Variants in CSTF3 observed in about 807,000 individuals in gnomAD.
The protein encoded by CSTF3 is CF-1 77 kDa subunit.
Under a neutral mutation model 105.8 loss-of-function variants are expected in CSTF3, and 29 were observed. That is an observed-to-expected ratio of 0.27 (90% confidence interval 0.20 to 0.37). The LOEUF (loss-of-function observed/expected upper bound fraction) is 0.37. CSTF3 is among the 10% of genes least tolerant of loss of function. The pLI, the probability that CSTF3 is intolerant of heterozygous loss-of-function variation, is 1.00. For missense variants in CSTF3, 357 were observed against 879.3 expected, an observed-to-expected ratio of 0.41 and a Z score of 7.51; for synonymous variants, 252 against 281.9, an observed-to-expected ratio of 0.89 and a Z score of 1.06.
chr11:33,125,080 C>G (rs140280070), intron 3 of CSTF3, among the ~76,000 whole-genome samples: 1,561 of 152,294 alleles, frequency 0.01, 26 homozygotes, highest in African/African-American at 0.034. Flanking sequence ...TTCAGTATTT[C>G]TCTCTTCAAA....
At chr11:33,144,476 AAAT>A (rs2133801233) in intron 1 of CSTF3, among the ~76,000 whole-genome samples, 1 of 152,320 alleles carries the variant, frequency 6.6e-6, no homozygotes, top group East Asian at 1.9e-4. Context: ...GAAAATCAGC[AAAT>A]AATAAAGGTG....
intron 1 of CSTF3, among the ~76,000 whole-genome samples, chr11:33,152,370 C>A (rs1849795908): frequency 6.6e-6 from 1 of 152,182 alleles, no homozygotes; most frequent in African/African-American, 2.4e-5. Context: ...TTCGATCAAT[C>A]CTCCTGCCTC....
rs571928386 is a variant in CSTF3 at position 33,143,189 on chromosome 11, T to A, written c.28-1203A>T. On this transcript the variant is annotated intron_variant, in intron 1 of 20. Coordinates refer to ENST00000323959, the MANE Select transcript of CSTF3 (RefSeq NM_001326.3). ...AGAAATCTGCAATTAAAGAGATTTT[T>A]AAAATATATTCAAATGCTTAGACTG... 6.6e-5 allele frequency among the ~76,000 whole-genome samples: 10 copies of A among 152,346 alleles called. No individual in the cohort carries two copies. In the South Asian group the frequency reaches 2.1e-3, roughly 32 times the overall value.
At chr11:33,130,378 C>T (rs934444778) in intron 3 of CSTF3, among the ~76,000 whole-genome samples, 1 of 152,028 alleles carries the variant, frequency 6.6e-6, no homozygotes, top group East Asian at 1.9e-4. Flanking sequence ...GAGGCTGAGC[C>T]AGGAGAATCG....
At chr11:33,153,859 A>G (rs955533669) in intron 1 of CSTF3, among the ~76,000 whole-genome samples, 4 of 152,108 alleles carry the variant, frequency 2.6e-5, no homozygotes, top group African/African-American at 9.7e-5. Flanking sequence ...AGAGGGGGAG[A>G]AAGATGGTAG....
At chr11:33,139,633 GCATT>G (rs1399378466) in intron 3 of CSTF3, among the ~76,000 whole-genome samples, 1 of 151,694 alleles carries the variant, frequency 6.6e-6, no homozygotes, top group Non-Finnish European at 1.5e-5. Flanking sequence ...TCTAAAACCA[GCATT>G]CAATTTAAAA....
At chr11:33,141,812 ATAT>A (rs1182809511) in intron 2 of CSTF3, 50 bp from the exon 3 acceptor site, 2 of 1,574,912 alleles carry the variant, frequency 1.3e-6, no homozygotes, top group Non-Finnish European at 1.7e-6. Flanking sequence ...GATTATGAAA[ATAT>A]TATTCACTGC....
chr11:33,153,972 G>T (rs1052905646), intron 1 of CSTF3, among the ~76,000 whole-genome samples: 2 of 152,006 alleles, frequency 1.3e-5, no homozygotes, highest in African/African-American at 4.8e-5. Context: ...CGCTATTCAG[G>T]GTAATAACTA....
At chr11:33,123,052 T>C (rs1855508967) in intron 3 of CSTF3, among the ~76,000 whole-genome samples, 1 of 151,690 alleles carries the variant, frequency 6.6e-6, no homozygotes, top group African/African-American at 2.4e-5. Context: ...TTTCTGACAA[T>C]GAGAAAAACA....
intron 18 of CSTF3, among the ~76,000 whole-genome samples, chr11:33,086,530 C>T (rs1209054732): frequency 2.0e-5 from 3 of 151,992 alleles, no homozygotes; most frequent in Non-Finnish European, 2.9e-5. Context: ...CTCCGCCTCC[C>T]GGGTTCAAGT....
intron 17 of CSTF3, among the ~76,000 whole-genome samples, chr11:33,089,799 T>G (rs1855147622): frequency 6.6e-6 from 1 of 152,200 alleles, no homozygotes; most frequent in African/African-American, 2.4e-5. Context: ...CTTAAAGAGA[T>G]CAACCAAGGA....
chr11:33,131,822 A>T (rs1833735669), intron 3 of CSTF3, among the ~76,000 whole-genome samples: 1 of 152,186 alleles, frequency 6.6e-6, no homozygotes, highest in Admixed American at 6.5e-5. Context: ...ACTGCACTCT[A>T]GCCTGGGCTA....
chr11:33,124,049 T>C (rs1855520231), intron 3 of CSTF3, among the ~76,000 whole-genome samples: 1 of 152,060 alleles, frequency 6.6e-6, no homozygotes, highest in Admixed American at 6.5e-5. Flanking sequence ...ATGTTAAAAT[T>C]TGCAAAAAAT....
At chr11:33,098,182 A>C (rs1015513800) in intron 13 of CSTF3, among the ~76,000 whole-genome samples, 4 of 152,116 alleles carry the variant, frequency 2.6e-5, no homozygotes, top group African/African-American at 9.7e-5. Flanking sequence ...CCAATGGGAG[A>C]GCATCACTGC....
intron 10 of CSTF3, among the ~76,000 whole-genome samples, chr11:33,100,153 G>A (rs978440021): frequency 6.6e-6 from 1 of 152,036 alleles, no homozygotes; most frequent in Non-Finnish European, 1.5e-5. Flanking sequence ...TCAGGAGATC[G>A]AGACCATCCT....
At chr11:33,130,678 C>T (rs545201540) in intron 3 of CSTF3, among the ~76,000 whole-genome samples, 2 of 152,028 alleles carry the variant, frequency 1.3e-5, no homozygotes, top group Non-Finnish European at 2.9e-5. Context: ...AATTCCTAAC[C>T]CAGAAACAGA....
intron 18 of CSTF3, among the ~76,000 whole-genome samples, chr11:33,086,228 G>A (rs1319654500): frequency 3.3e-5 from 5 of 152,198 alleles, no homozygotes; most frequent in African/African-American, 1.2e-4. Flanking sequence ...CTGAACTAAA[G>A]TCAGTTTTTG....
intron 1 of CSTF3, among the ~76,000 whole-genome samples, chr11:33,159,782 T>C (rs994906737): frequency 1.3e-5 from 2 of 151,896 alleles, no homozygotes; most frequent in Admixed American, 6.6e-5. Context: ...TCTATCAGCA[T>C]GGGGAGATAA....
chr11:33,143,939 G>A (rs1254416861), intron 1 of CSTF3, among the ~76,000 whole-genome samples: 4 of 152,088 alleles, frequency 2.6e-5, no homozygotes, highest in African/African-American at 7.2e-5. Context: ...ACAGTTAGCC[G>A]AGATAGCACC....
Sources: allele counts gnomAD v4.1 joint callset (sites outside exome capture counted in the v4.1 genomes callset), GRCh38; gene constraint gnomAD v4.1.1; transcripts MANE v1.5; gene names NCBI Gene and HGNC (gene_info 2026-07-23, HGNC 2026-07-21).